Variants in FHIT observed in about 807,000 individuals in gnomAD.
FHIT encodes the protein fragile histidine triad diadenosine triphosphatase.
A neutral mutation model predicts 17.9 loss-of-function variants in FHIT; 19 were observed. That is an observed-to-expected ratio of 1.06 (90% CI 0.74 to 1.56). The LOEUF (loss-of-function observed/expected upper bound fraction) is 1.56. Ranked by LOEUF, FHIT falls within the 40% of genes most tolerant of loss-of-function variation. The pLI, the probability that FHIT is intolerant of heterozygous loss-of-function variation, is 0.00. For synonymous variants in FHIT, 81 were observed against 69.7 expected (o/e 1.16, Z -0.81); for missense variants, 248 against 189.2 (o/e 1.31, Z -1.82).
chr3:60,592,009 G>C (rs1410609003), intron 4 of FHIT, among the ~76,000 whole-genome samples: 1 of 151,514 alleles, frequency 6.6e-6, no homozygotes, highest in African/African-American at 2.4e-5. Flanking sequence ...ATTTAAGGTG[G>C]GGAAAAAAGA....
chr3:60,047,601 C>A (rs1184047383), intron 5 of FHIT, among the ~76,000 whole-genome samples: 1 of 152,180 alleles, frequency 6.6e-6, no homozygotes, highest in Non-Finnish European at 1.5e-5. Flanking sequence ...TCCTCAGGTG[C>A]ATTAGGCATA....
intron 4 of FHIT, among the ~76,000 whole-genome samples, chr3:60,791,015 G>A (rs570085221): frequency 6.6e-6 from 1 of 152,220 alleles, no homozygotes; most frequent in Admixed American, 6.5e-5. Context: ...ATGTAATAAT[G>A]CACTCAAAGA....
At chr3:60,220,009 G>A (rs12715551) in intron 5 of FHIT, among the ~76,000 whole-genome samples, 5,162 of 152,070 alleles carry the variant, frequency 0.034, 267 homozygotes, top group African/African-American at 0.11. Context: ...ATGGACATCA[G>A]TCCCCCTGAT....
chr3:59,892,766 G>A (rs542373260), intron 8 of FHIT, among the ~76,000 whole-genome samples: 9 of 152,156 alleles, frequency 5.9e-5, no homozygotes, highest in East Asian at 5.8e-4. Context: ...TGCTAAAGAC[G>A]AAACCCAGAG....
chr3:60,493,382 C>G (rs1006541335), intron 5 of FHIT, among the ~76,000 whole-genome samples: 12 of 152,304 alleles, frequency 7.9e-5, no homozygotes, highest in African/African-American at 2.2e-4. Context: ...CTTCCTGAAT[C>G]TGCCTAAATT....
intron 5 of FHIT, among the ~76,000 whole-genome samples, chr3:60,045,582 G>GT (rs1279767037): frequency 6.6e-6 from 1 of 152,012 alleles, no homozygotes; most frequent in African/African-American, 2.4e-5. Flanking sequence ...TAAATTTTAT[G>GT]TTTTTTTAAT....
chr3:61,016,776 T>G (rs1005438446), intron 3 of FHIT, among the ~76,000 whole-genome samples: 1 of 152,260 alleles, frequency 6.6e-6, no homozygotes, highest in Non-Finnish European at 1.5e-5. Flanking sequence ...ATTACTTATG[T>G]GTGTGCACAA....
At chr3:60,206,207 C>T (rs1201912746) in intron 5 of FHIT, among the ~76,000 whole-genome samples, 1 of 150,252 alleles carries the variant, frequency 6.7e-6, no homozygotes, top group Non-Finnish European at 1.5e-5. Context: ...GGTAGATGAT[C>T]TTCCAGTAAT....
At chr3:60,351,820 C>T (rs1699409748) in intron 5 of FHIT, among the ~76,000 whole-genome samples, 1 of 152,270 alleles carries the variant, frequency 6.6e-6, no homozygotes, top group Middle Eastern at 3.4e-3. Flanking sequence ...ACAACAAAAT[C>T]ACTTATAGAC....
chr3:60,165,626 T>C (rs1286444859), intron 5 of FHIT, among the ~76,000 whole-genome samples: 1 of 152,070 alleles, frequency 6.6e-6, no homozygotes, highest in Non-Finnish European at 1.5e-5. Context: ...GAATGTCAAA[T>C]GAGATTATAA....
intron 2 of FHIT, among the ~76,000 whole-genome samples, chr3:61,164,537 G>A (rs560181440): frequency 1.5e-3 from 229 of 152,328 alleles, no homozygotes; most frequent in African/African-American, 5.0e-3. Flanking sequence ...GTGAAACACT[G>A]AGCAAGTTAT....
At chr3:60,945,850 T>C (rs1553775658) in intron 3 of FHIT, among the ~76,000 whole-genome samples, 2 of 152,062 alleles carry the variant, frequency 1.3e-5, no homozygotes. Context: ...AGAGTTGAGG[T>C]ACAGGTGAAG....
chr3:60,208,616 T>A (rs1026554447), intron 5 of FHIT, among the ~76,000 whole-genome samples: 1 of 152,232 alleles, frequency 6.6e-6, no homozygotes, highest in Non-Finnish European at 1.5e-5. Flanking sequence ...CATATGTATT[T>A]TCAGTATTTG....
intron 5 of FHIT, among the ~76,000 whole-genome samples, chr3:60,495,269 A>G (rs2034253232): frequency 6.6e-6 from 1 of 152,082 alleles, no homozygotes; most frequent in East Asian, 1.9e-4. Context: ...TTTTTAGTGT[A>G]TGGTTTCTTT....
At chr3:61,038,802 C>T (rs189213072) in intron 3 of FHIT, among the ~76,000 whole-genome samples, 1 of 152,092 alleles carries the variant, frequency 6.6e-6, no homozygotes, top group Non-Finnish European at 1.5e-5. Flanking sequence ...AGGTATACAA[C>T]CTGCTTGATA....
At chr3:60,094,433 A>AC (rs1703855439) in intron 5 of FHIT, among the ~76,000 whole-genome samples, 1 of 130,790 alleles carries the variant, frequency 7.6e-6, no homozygotes, top group Non-Finnish European at 1.6e-5. Flanking sequence ...TTTTTGTATC[A>AC]CCTGGAAAAA....
chr3:60,891,947 A>G (rs1386332768), intron 3 of FHIT, among the ~76,000 whole-genome samples: 1 of 152,198 alleles, frequency 6.6e-6, no homozygotes, highest in Non-Finnish European at 1.5e-5. Flanking sequence ...TATGGCACCA[A>G]GACTGGAAAC....
At chr3:60,013,024 G>C (rs1021350799) in intron 6 of FHIT, among the ~76,000 whole-genome samples, 3 of 152,068 alleles carry the variant, frequency 2.0e-5, no homozygotes, top group African/African-American at 7.2e-5. Context: ...CAAATGGTTT[G>C]ACATACAACA....
At chr3:60,911,147 T>C (rs1553765760) in intron 3 of FHIT, among the ~76,000 whole-genome samples, 1 of 152,196 alleles carries the variant, frequency 6.6e-6, no homozygotes, top group East Asian at 1.9e-4. Flanking sequence ...ATCATATTTG[T>C]AACTAGTTAT....
Sources: gnomAD v4.1 joint callset for allele counts (sites outside exome capture counted in the v4.1 genomes callset) on GRCh38, gnomAD v4.1.1 for gene constraint, MANE v1.5 for transcripts, NCBI Gene and HGNC (gene_info 2026-07-23, HGNC 2026-07-21) for gene names.